CCDC71L: variants seen among roughly 807,000 people sequenced by gnomAD.
The protein encoded by CCDC71L is coiled-coil domain containing 71 like.
Under a neutral mutation model 10.2 loss-of-function variants are expected in CCDC71L, and 6 were observed. The ratio of observed to expected loss-of-function variants is 0.59; its 90% CI spans 0.32 to 1.16. CCDC71L has a LOEUF of 1.16. Among genes scored for constraint, CCDC71L ranks in the 50% most tolerant of loss-of-function variants. CCDC71L has a pLI of 0.05. For synonymous variants in CCDC71L, 204 were observed against 175.5 expected, an observed-to-expected ratio of 1.16 and a Z score of -1.28; for missense variants, 366 against 383.4, an observed-to-expected ratio of 0.95 and a Z score of 0.38.
In CCDC71L at chr7:106,658,267, A is replaced by G. The variant is rs1321042817; in HGVS notation, c.*1922T>C. The G allele has an allele frequency of 1.3e-5, 2 of 152,180 alleles. No homozygotes were observed. Among genetic ancestry groups the G allele is most frequent in the Non-Finnish European group, 2.9e-5 (2 of 68,014 alleles). The allele number at this position is 152,180 out of a possible 1,614,324, so 9.4% of individuals were successfully genotyped here. A position where few individuals can be genotyped will look rare whatever the true frequency, so the allele number is the denominator to read the frequency against. ...TCTAAGGAATTATTCATTTTTATTTACTCATGTGACAGTGTTTGTACAATG... is the reference window on the plus strand; with the variant it reads ...TCTAAGGAATTATTCATTTTTATTTGCTCATGTGACAGTGTTTGTACAATG... On this transcript the variant is annotated 3_prime_UTR_variant, in exon 1 of 1. Transcript: ENST00000523505.
chr7:106,660,970 C>CGCGGCG lies in CCDC71L; in HGVS notation c.-80_-75dup. 1 of 1,295,380 alleles carries CGCGGCG rather than the reference C, an allele frequency of 7.7e-7. No homozygotes were observed. Among genetic ancestry groups the CGCGGCG allele is most frequent in the Non-Finnish European group, 9.8e-7 (1 of 1,023,718 alleles). The allele number at this position is 1,295,380 out of a possible 1,614,324, so 80.2% of individuals were successfully genotyped here. ...CCGCCGTCCCAGTCCGCGTTGGCTC[C>CGCGGCG]GCGGCGGCGGCTGCTGCTGGCGTCT... On this transcript the variant is annotated 5_prime_UTR_variant, in exon 1 of 1. Transcript: ENST00000523505. This position sits in a 1 kb window ranked among gnomAD's most constrained non-coding sequence, Gnocchi z 7.5.
chr7:106,655,984 T>C lies in CCDC71L; in HGVS notation c.*4205A>G, dbSNP rs191978273. ...GTGCATACCTATAATTAAGAGCATT[T>C]ATTTAGTACTTCCTATGTGTCTAGC... On this transcript the variant is annotated 3_prime_UTR_variant, in exon 1 of 1. Coordinates refer to ENST00000523505, the MANE Select transcript of CCDC71L (RefSeq NM_175884.6). 1.2e-4 allele frequency among the ~76,000 whole-genome samples: 18 copies of C among 152,326 alleles called. No individual in the cohort carries two copies. The highest frequency in any genetic ancestry group is 2.4e-4 in the Non-Finnish European group (16 of 68,014).
rs994881371 is a variant in CCDC71L, at chr7:106,656,758, T to C, written c.*3431A>G. 35 of 152,200 alleles carry C rather than the reference T, an allele frequency of 2.3e-4. No individual in the cohort carries two copies. Among genetic ancestry groups the C allele is most frequent in the African/African-American group, 7.5e-4 (31 of 41,450 alleles). The allele number at this position is 152,200 out of a possible 1,614,324, so 9.4% of individuals were successfully genotyped here. ...AAAATGTTCAAATCATTAGAAAAACTAGACACTATGTATTCTCTAAAATTT... is the reference window on the plus strand; with the variant it reads ...AAAATGTTCAAATCATTAGAAAAACCAGACACTATGTATTCTCTAAAATTT... On this transcript the variant is annotated 3_prime_UTR_variant, in exon 1 of 1. Transcript: ENST00000523505.
chr7:106,660,526 G>C lies in CCDC71L; in HGVS notation c.371C>G (p.Pro124Arg). 2 of 1,450,420 alleles carry C rather than the reference G, an allele frequency of 1.4e-6. No individual in the cohort carries two copies. Among genetic ancestry groups the C allele is most frequent in the Non-Finnish European group, 1.8e-6 (2 of 1,097,168 alleles). The allele number at this position is 1,450,420 out of a possible 1,614,324, so 89.8% of individuals were successfully genotyped here. The change falls in exon 1 of 1, where the codon CCG becomes CGG. Residue 124 changes from proline (P) to arginine (R), a missense_variant. Physicochemically the swap from Pro to Arg is moderately radical, Grantham distance 103. Coordinates refer to ENST00000523505, the MANE Select transcript of CCDC71L (RefSeq NM_175884.6). The surrounding 1 kb of genome is among the most constrained non-coding windows in gnomAD (Gnocchi z 7.5). ...PPTARGQARR[P>R]VPRAAARRRR... The stretch of plus-strand genomic sequence containing the variant: ...CCTCCTGGCCGCTGCGCGCGGAACC[G>C]GCCGGCGCGCCTGGCCGCGGGCTGT...
In CCDC71L at chr7:106,661,073, G is replaced by T; in HGVS notation, c.-177C>A. The T allele has an allele frequency of 3.2e-6, 3 of 933,202 alleles. No homozygotes were observed. The highest frequency in any genetic ancestry group is 3.4e-5 in the East Asian group (1 of 29,026). 57.8% of individuals were successfully genotyped at this position (933,202 alleles called of 1,614,324 possible). On this transcript the variant is annotated 5_prime_UTR_variant, in exon 1 of 1. Coordinates refer to ENST00000523505, the MANE Select transcript of CCDC71L (RefSeq NM_175884.6). ...ACGCGGGCGAATATCCTGCTGCCCG[G>T]TACAAGATGGCGGCCGGCGCCCACC...
chr7:106,654,539 A>G lies in CCDC71L; in HGVS notation c.*5650T>C, dbSNP rs1428507986. Among the ~76,000 whole-genome samples the G allele has an allele frequency of 6.6e-6, 1 of 152,182 alleles. No individual in the cohort carries two copies. The highest frequency in any genetic ancestry group is 1.5e-5 in the Non-Finnish European group (1 of 68,012). On this transcript the variant is annotated 3_prime_UTR_variant, in exon 1 of 1. Coordinates refer to ENST00000523505, the MANE Select transcript of CCDC71L (RefSeq NM_175884.6). ...AACAATATAAATGAATCTCACAAACATAATTTCAAGTGAAAGAAGCTAGAC... is the reference window on the plus strand; with the variant it reads ...AACAATATAAATGAATCTCACAAACGTAATTTCAAGTGAAAGAAGCTAGAC...
rs955769958 is a variant in CCDC71L, at chr7:106,655,339, G to A, written c.*4850C>T. Among the ~76,000 whole-genome samples, 4 of 152,072 alleles carry A rather than the reference G, an allele frequency of 2.6e-5. No homozygotes were observed. The highest frequency in any genetic ancestry group is 6.5e-5 in the Admixed American group (1 of 15,270). On this transcript the variant is annotated 3_prime_UTR_variant, in exon 1 of 1. Coordinates refer to ENST00000523505, the MANE Select transcript of CCDC71L (RefSeq NM_175884.6). Reference sequence around the variant, plus strand: ...GATGTTCTATTCTCTGTGCTATGAGGAATTAAACCTAAATTACAGGCTTTA... The same window carrying A: ...GATGTTCTATTCTCTGTGCTATGAGAAATTAAACCTAAATTACAGGCTTTA...
At position 106,660,158 on chromosome 7, in the gene CCDC71L, G is replaced by C. The variant is rs535682477; in HGVS notation, c.*31C>G. On this transcript the variant is annotated 3_prime_UTR_variant, in exon 1 of 1. Transcript: ENST00000523505. This position sits in a 1 kb window ranked among gnomAD's most constrained non-coding sequence, Gnocchi z 7.5. ...GGCGGAAGGCCTGTCCCAAGGTCGG[G>C]GCCGGCAGGAGGCGCCCTGGAGGCC... 1.1e-3 allele frequency: 1,676 copies of C among 1,496,882 alleles called. 1 individual carries two copies. The highest frequency in any genetic ancestry group is 2.0e-3 in the Admixed American group (90 of 45,604). 92.7% of individuals were successfully genotyped at this position (1,496,882 alleles called of 1,614,324 possible). A position where few individuals can be genotyped will look rare whatever the true frequency, so the allele number is the denominator to read the frequency against.
rs772755816 is a variant in CCDC71L at position 106,658,505 on chromosome 7, ACT to A, written c.*1682_*1683del. 7.2e-5 allele frequency: 11 copies of A among 152,226 alleles called. No individual in the cohort carries two copies. Among genetic ancestry groups the A allele is most frequent in the Non-Finnish European group, 1.6e-4 (11 of 68,014 alleles). The allele number at this position is 152,226 out of a possible 1,614,324, so 9.4% of individuals were successfully genotyped here. On this transcript the variant is annotated 3_prime_UTR_variant, in exon 1 of 1. Coordinates refer to ENST00000523505, the MANE Select transcript of CCDC71L (RefSeq NM_175884.6). Reference sequence around the variant, plus strand: ...TAGGAACGCAAGAGTCAAAATTGTAACTCTCATTATTCTCCTAAAAAGCTGCC... The same window carrying A: ...TAGGAACGCAAGAGTCAAAATTGTAACTCATTATTCTCCTAAAAAGCTGCC...
chr7:106,661,038 AGGGCGGAGGACGC>A lies in CCDC71L; in HGVS notation c.-155_-143del, dbSNP rs1792591559. The A allele has an allele frequency of 8.4e-7, 1 of 1,190,630 alleles. No homozygotes were observed. Among genetic ancestry groups the A allele is most frequent in the South Asian group, 2.9e-5 (1 of 34,838 alleles). The allele number at this position is 1,190,630 out of a possible 1,614,324, so 73.8% of individuals were successfully genotyped here. A position where few individuals can be genotyped will look rare whatever the true frequency, so the allele number is the denominator to read the frequency against. On this transcript the variant is annotated 5_prime_UTR_variant, in exon 1 of 1. The change abolishes the stop of an existing upstream ORF in the 5' untranslated region. Coordinates refer to ENST00000523505, the MANE Select transcript of CCDC71L (RefSeq NM_175884.6). Reference sequence around the variant, plus strand: ...CTCCGCCGCCGCCCCTCCCCCTCCGAGGGCGGAGGACGCGGGCGAATATCCTGCTGCCCGGTAC... The same window carrying A: ...CTCCGCCGCCGCCCCTCCCCCTCCGAGGGCGAATATCCTGCTGCCCGGTAC...
In CCDC71L at chr7:106,660,889, C is replaced by T. The variant is rs954322304; in HGVS notation, c.8G>A (p.Arg3His). The T allele has an allele frequency of 1.5e-5, 21 of 1,411,396 alleles. No individual in the cohort carries two copies. In the African/African-American group the frequency reaches 2.7e-4, roughly 18 times the overall value. The allele number at this position is 1,411,396 out of a possible 1,614,324, so 87.4% of individuals were successfully genotyped here. A position where few individuals can be genotyped will look rare whatever the true frequency, so the allele number is the denominator to read the frequency against. The change falls in exon 1 of 1, where the codon CGC becomes CAC. Residue 3 changes from arginine (R) to histidine (H), a missense_variant. Transcript: ENST00000523505. This position sits in a 1 kb window ranked among gnomAD's most constrained non-coding sequence, Gnocchi z 7.5. ...CCGGCGCCGCCGCCTCTTCATACTG[C>T]GCCGCATCGAAGGCCGCTCCGGGCC... MRRSMKRRRRRRP... is the reference protein window; with the variant it reads MRHSMKRRRRRRP...
rs1210072165 is a variant in CCDC71L, at chr7:106,660,850, G to A, written c.47C>T (p.Pro16Leu). Residue 16 changes from proline to leucine, a missense_variant, in exon 1 of 1, where the codon CCG (proline) becomes CTG (leucine). Transcript: ENST00000523505. This position sits in a 1 kb window ranked among gnomAD's most constrained non-coding sequence, Gnocchi z 7.5. ...KRRRRRRPVA[P>L]ATAARGGDFR... ...GTCGCCGCCCCGGGCGGCCGTGGCC[G>A]GGGCGACCGGGCGCCGGCGCCGCCG... 1 of 1,485,114 alleles carries A rather than the reference G, an allele frequency of 6.7e-7. No homozygotes were observed. Among genetic ancestry groups the A allele is most frequent in the South Asian group, 1.3e-5 (1 of 76,354 alleles). 92.0% of individuals were successfully genotyped at this position (1,485,114 alleles called of 1,614,324 possible).
In CCDC71L at chr7:106,660,836, G is replaced by C; in HGVS notation, c.61C>G (p.Arg21Gly). ...RRPVAPATAARGGDFRAEDGA... is the reference protein window; with the variant it reads ...RRPVAPATAAGGGDFRAEDGA... ...TCTTCTGCCCTAAAGTCGCCGCCCC[G>C]GGCGGCCGTGGCCGGGGCGACCGGG... The change falls in exon 1 of 1, where the codon CGG (arginine) becomes GGG (glycine). Residue 21 changes from arginine to glycine, a missense_variant. Coordinates refer to ENST00000523505, the MANE Select transcript of CCDC71L (RefSeq NM_175884.6). This position sits in a 1 kb window ranked among gnomAD's most constrained non-coding sequence, Gnocchi z 7.5. 3 of 1,523,940 alleles carry C rather than the reference G, an allele frequency of 2.0e-6. No homozygotes were observed. Among genetic ancestry groups the C allele is most frequent in the Non-Finnish European group, 2.6e-6 (3 of 1,136,628 alleles). The allele number at this position is 1,523,940 out of a possible 1,614,324, so 94.4% of individuals were successfully genotyped here. A position where few individuals can be genotyped will look rare whatever the true frequency, so the allele number is the denominator to read the frequency against.
At position 106,660,583 on chromosome 7, in the gene CCDC71L, C is replaced by T; in HGVS notation, c.314G>A (p.Arg105Gln). Reference protein sequence around the residue: ...SKDVYGYSSCRALVPDPPGPP... With the variant: ...SKDVYGYSSCQALVPDPPGPP... Reference sequence around the variant, plus strand: ...CCCCGGGGGGTCGGGTACCAGGGCCCGGCAGGAGGAGTAGCCGTAGACGTC... The same window carrying T: ...CCCCGGGGGGTCGGGTACCAGGGCCTGGCAGGAGGAGTAGCCGTAGACGTC... The change falls in exon 1 of 1, where the codon CGG becomes CAG. Residue 105 changes from arginine to glutamine, a missense_variant. By Grantham distance (43) the Arg-to-Gln change is conservative (BLOSUM62 1). Transcript: ENST00000523505. This position sits in a 1 kb window ranked among gnomAD's most constrained non-coding sequence, Gnocchi z 7.5. The T allele has an allele frequency of 2.6e-6, 4 of 1,559,920 alleles. No homozygotes were observed. Among genetic ancestry groups the T allele is most frequent in the East Asian group, 2.5e-5 (1 of 40,310 alleles).
In CCDC71L at chr7:106,660,290, C is replaced by A; in HGVS notation, c.607G>T (p.Glu203Ter). The A allele has an allele frequency of 6.4e-7, 1 of 1,557,180 alleles. No homozygotes were observed. Among genetic ancestry groups the A allele is most frequent in the Non-Finnish European group, 8.6e-7 (1 of 1,162,412 alleles). Residue 203 changes from glutamate (E) to a stop codon, truncating the protein, a stop_gained, in exon 1 of 1, where the codon GAG becomes TAG. Coordinates refer to ENST00000523505, the MANE Select transcript of CCDC71L (RefSeq NM_175884.6). LOFTEE classifies it high-confidence loss of function. This position sits in a 1 kb window ranked among gnomAD's most constrained non-coding sequence, Gnocchi z 7.5. ...TIRVGSDVWG[E>*]RSLAAARRRA... ...CGCCGCGCTGCCGCCAGGCTGCGCT[C>A]GCCCCACACGTCGCTGCCGACGCGG...
In CCDC71L at chr7:106,660,745, T is replaced by C. The variant is rs1244454714; in HGVS notation, c.152A>G (p.Asp51Gly). Residue 51 changes from aspartate to glycine, a missense_variant, in exon 1 of 1, where the codon GAC becomes GGC. By Grantham distance (94) the Asp-to-Gly change is moderately conservative (BLOSUM62 -1). Transcript: ENST00000523505. This position sits in a 1 kb window ranked among gnomAD's most constrained non-coding sequence, Gnocchi z 7.5. ...GGCGTCGCCCAGCGCCTTGGTGCTG[T>C]CAGCCAGCGACAGTTGCGACCGCGA... The part of the protein sequence containing the change: ...VYSRSQLSLA[D>G]STKALGDAFK... 1 of 1,566,788 alleles carries C rather than the reference T, an allele frequency of 6.4e-7. No individual in the cohort carries two copies. Among genetic ancestry groups the C allele is most frequent in the East Asian group, 2.4e-5 (1 of 41,984 alleles).
rs1792548170 is a variant in CCDC71L at position 106,659,395 on chromosome 7, A to T, written c.*794T>A. ...TGCATTTTTTTATTCAATTCAAAAG[A>T]ATTTAACAAGTTAACTTTTCCTAAA... On this transcript the variant is annotated 3_prime_UTR_variant, in exon 1 of 1. Coordinates refer to ENST00000523505, the MANE Select transcript of CCDC71L (RefSeq NM_175884.6). The T allele has an allele frequency of 6.6e-6, 1 of 152,626 alleles. No homozygotes were observed. The highest frequency in any genetic ancestry group is 6.5e-5 in the Admixed American group (1 of 15,286). 9.5% of individuals were successfully genotyped at this position (152,626 alleles called of 1,614,324 possible). A position where few individuals can be genotyped will look rare whatever the true frequency, so the allele number is the denominator to read the frequency against.
In CCDC71L at chr7:106,657,947, T is replaced by C. The variant is rs1792517961; in HGVS notation, c.*2242A>G. The C allele has an allele frequency of 6.6e-6, 1 of 152,214 alleles. No homozygotes were observed. Among genetic ancestry groups the C allele is most frequent in the Non-Finnish European group, 1.5e-5 (1 of 68,030 alleles). The allele number at this position is 152,214 out of a possible 1,614,324, so 9.4% of individuals were successfully genotyped here. A position where few individuals can be genotyped will look rare whatever the true frequency, so the allele number is the denominator to read the frequency against. ...ATGTTTCAGTGGTGTGCTGAGCAGT[T>C]ATCCTCCCAGTTAAGCCAAATTTCA... is the stretch of plus-strand genomic sequence containing the variant. On this transcript the variant is annotated 3_prime_UTR_variant, in exon 1 of 1. Transcript: ENST00000523505.
rs964378582 is a variant in CCDC71L at position 106,658,167 on chromosome 7, A to G, written c.*2022T>C. On this transcript the variant is annotated 3_prime_UTR_variant, in exon 1 of 1. Transcript: ENST00000523505. The stretch of plus-strand genomic sequence containing the variant: ...GAAAACCCTATGCATCTGAAATACA[A>G]TTGGCAATGGAAGCTAATAACCAAA... 6.6e-6 allele frequency: 1 copy of G among 152,216 alleles called. No homozygotes were observed. The highest frequency in any genetic ancestry group is 2.4e-5 in the African/African-American group (1 of 41,456). 9.4% of individuals were successfully genotyped at this position (152,216 alleles called of 1,614,324 possible). A position where few individuals can be genotyped will look rare whatever the true frequency, so the allele number is the denominator to read the frequency against.
Sources: gnomAD v4.1 joint callset for allele counts (sites outside exome capture counted in the v4.1 genomes callset) on GRCh38, gnomAD v4.1.1 for gene constraint, Gnocchi (gnomAD v3.1) non-coding constraint, MANE v1.5 for transcripts, NCBI Gene and HGNC (gene_info 2026-07-23, HGNC 2026-07-21) for gene names.